The following MAF variants were observed in gnomAD, a reference collection of about 807,000 sequenced individuals.
MAF encodes transcription factor Maf.
A neutral mutation model predicts 22.0 loss-of-function variants in MAF; 10 were observed. The ratio of observed to expected loss-of-function variants is 0.45; its 90% CI spans 0.28 to 0.77. The LOEUF (loss-of-function observed/expected upper bound fraction) is 0.77. MAF is among the 30% of genes least tolerant of loss of function. MAF has a pLI of 0.12. For synonymous variants in MAF, 337 were observed against 255.8 expected (o/e 1.32, Z -3.03); for missense variants, 544 against 548.4 (o/e 0.99, Z 0.08).
chr16:79,495,468 A>G, the MAF span, among the ~76,000 whole-genome samples: 1 of 152,288 alleles, frequency 6.6e-6, no homozygotes, highest in Non-Finnish European at 1.5e-5. Flanking sequence ...AAAATAAATA[A>G]AAGATGCTCA....
the MAF span, among the ~76,000 whole-genome samples, chr16:79,539,181 C>G: frequency 6.6e-6 from 1 of 152,206 alleles, no homozygotes; most frequent in Non-Finnish European, 1.5e-5. Context: ...TTCAGTCTTT[C>G]TGGAAAGCAA....
chr16:79,271,087 T>C, the MAF span, among the ~76,000 whole-genome samples: 4 of 117,836 alleles, frequency 3.4e-5, no homozygotes, highest in Non-Finnish European at 6.9e-5. Context: ...TTTTTTATTT[T>C]TTATTTTTAG....
chr16:79,507,045 A>G, the MAF span, among the ~76,000 whole-genome samples: 1 of 151,968 alleles, frequency 6.6e-6, no homozygotes, highest in African/African-American at 2.4e-5. Context: ...CTATCTGTCA[A>G]CCTCTGCTGT....
At chr16:79,382,398 G>A in the MAF span, among the ~76,000 whole-genome samples, 1 of 152,162 alleles carries the variant, frequency 6.6e-6, no homozygotes, top group Non-Finnish European at 1.5e-5. Flanking sequence ...GGATGGAAAA[G>A]TTTCCTATCT....
chr16:79,418,593 C>A, the MAF span, among the ~76,000 whole-genome samples: 1 of 152,092 alleles, frequency 6.6e-6, no homozygotes, highest in African/African-American at 2.4e-5. Context: ...GGGCGGGAGG[C>A]GTGCTCACTC....
At chr16:79,479,074 G>A in the MAF span, among the ~76,000 whole-genome samples, 1 of 138,534 alleles carries the variant, frequency 7.2e-6, no homozygotes, top group Non-Finnish European at 1.5e-5. Context: ...CTAGCACATT[G>A]GTATAGCATT....
At chr16:79,463,320 G>A in the MAF span, among the ~76,000 whole-genome samples, 1 of 152,202 alleles carries the variant, frequency 6.6e-6, no homozygotes, top group Non-Finnish European at 1.5e-5. Context: ...ATAATGACAT[G>A]ACCTGATTTA....
chr16:79,232,334 A>G, the MAF span, among the ~76,000 whole-genome samples: 1 of 152,134 alleles, frequency 6.6e-6, no homozygotes, highest in Non-Finnish European at 1.5e-5. Flanking sequence ...TTACCTTCAC[A>G]TGTAAACACT....
the MAF span, among the ~76,000 whole-genome samples, chr16:79,506,242 G>A: frequency 2.0e-5 from 3 of 152,130 alleles, no homozygotes; most frequent in African/African-American, 7.2e-5. Flanking sequence ...CCATTTCCAG[G>A]ACATACATCT....
the MAF span, among the ~76,000 whole-genome samples, chr16:79,378,585 G>C: frequency 2.0e-5 from 3 of 152,134 alleles, no homozygotes; most frequent in Admixed American, 6.6e-5. Context: ...TCAAAATAGA[G>C]ATAATGCTGA....
At chr16:79,525,632 G>C in the MAF span, among the ~76,000 whole-genome samples, 1 of 152,064 alleles carries the variant, frequency 6.6e-6, no homozygotes, top group African/African-American at 2.4e-5. Context: ...TATTGCTAAT[G>C]GTTTTTAATG....
the MAF span, among the ~76,000 whole-genome samples, chr16:79,359,652 G>C: frequency 2.6e-5 from 4 of 152,206 alleles, no homozygotes; most frequent in Admixed American, 2.6e-4. Context: ...TAAATAATCT[G>C]ATTTTTTTGA....
chr16:79,225,258 G>T, the MAF span, among the ~76,000 whole-genome samples: 21 of 152,092 alleles, frequency 1.4e-4, no homozygotes, highest in African/African-American at 4.8e-4. Context: ...ACAAGCAATG[G>T]GGAAAGAATT....
At chr16:79,530,181 C>T in the MAF span, among the ~76,000 whole-genome samples, 1 of 152,092 alleles carries the variant, frequency 6.6e-6, no homozygotes, top group Admixed American at 6.6e-5. Context: ...ATTTTAAGGT[C>T]CTGTTTATCT....
downstream of MAF, among the ~76,000 whole-genome samples, chr16:79,583,336 G>A (rs1005453665): frequency 1.3e-5 from 2 of 152,160 alleles, no homozygotes; most frequent in African/African-American, 4.8e-5. Context: ...GGTAAACGAT[G>A]TCCACTCCAT....
the MAF span, among the ~76,000 whole-genome samples, chr16:79,245,541 A>C: frequency 6.6e-6 from 1 of 152,082 alleles, no homozygotes; most frequent in African/African-American, 2.4e-5. Context: ...GGCGATCATT[A>C]AAAAGTCAGG....
the MAF span, among the ~76,000 whole-genome samples, chr16:79,207,281 C>T: frequency 3.3e-5 from 5 of 152,242 alleles, no homozygotes; most frequent in African/African-American, 1.2e-4. Flanking sequence ...CTTTGTCCAA[C>T]AGACACCAGA....
At chr16:79,334,701 C>A in the MAF span, among the ~76,000 whole-genome samples, 1 of 152,124 alleles carries the variant, frequency 6.6e-6, no homozygotes, top group African/African-American at 2.4e-5. Context: ...AGCCCATACC[C>A]ATGAAGCTGG....
At chr16:79,440,049 T>A in the MAF span, among the ~76,000 whole-genome samples, 1 of 152,216 alleles carries the variant, frequency 6.6e-6, no homozygotes, top group African/African-American at 2.4e-5. Context: ...TTCCTTTGGC[T>A]CAGTTCTATT....
Sources: allele counts gnomAD v4.1 joint callset (sites outside exome capture counted in the v4.1 genomes callset), GRCh38; gene constraint gnomAD v4.1.1; transcripts MANE v1.5; gene names NCBI Gene and HGNC (gene_info 2026-07-23, HGNC 2026-07-21).